The following DCBLD1 variants were observed in gnomAD, a reference collection of about 807,000 sequenced individuals.
DCBLD1 encodes the protein discoidin, CUB and LCCL domain-containing protein 1.
Under a neutral mutation model 71.5 loss-of-function variants are expected in DCBLD1, and 57 were observed. That is an observed-to-expected ratio of 0.80 (90% CI 0.64 to 0.99). DCBLD1 has a LOEUF of 0.99. Among genes scored for constraint, DCBLD1 ranks in the 50% least tolerant of loss-of-function variants. DCBLD1 has a pLI of 0.00. For synonymous variants in DCBLD1, 380 were observed against 363.8 expected (o/e 1.04, Z -0.51); for missense variants, 891 against 923.5 (o/e 0.96, Z 0.46).
intron 1 of DCBLD1, among the ~76,000 whole-genome samples, chr6:117,486,491 G>A (rs62433109): frequency 6.6e-6 from 1 of 152,142 alleles, no homozygotes; most frequent in Admixed American, 6.5e-5. Flanking sequence ...CTCCTCCACT[G>A]CCTCTCTGAC....
intron 6 of DCBLD1, among the ~76,000 whole-genome samples, chr6:117,535,556 G>A (rs1329383342): frequency 6.6e-6 from 1 of 152,188 alleles, no homozygotes; most frequent in Non-Finnish European, 1.5e-5. Flanking sequence ...ACATTTTCCA[G>A]TTGATAACGG....
chr6:117,563,519 C>T (rs539284266), intron 14 of DCBLD1: 12 of 737,434 alleles, frequency 1.6e-5, no homozygotes, highest in Admixed American at 9.5e-5. Flanking sequence ...GTTAGGGGTT[C>T]GAGACCAGCC....
At position 117,549,756 on chromosome 6, in the gene DCBLD1, T is replaced by G. The variant is rs776671511; in HGVS notation, c.*1317T>G. On this transcript the variant is annotated 3_prime_UTR_variant, in exon 15 of 15. Transcript: ENST00000338728. Reference sequence around the variant, plus strand: ...GGTTTACTTTGTAGAGTTTACATGGTTTTATGCGCACACTAATTGTAATAA... The same window carrying G: ...GGTTTACTTTGTAGAGTTTACATGGGTTTATGCGCACACTAATTGTAATAA... The G allele has an allele frequency of 2.8e-5, 28 of 985,230 alleles. No homozygotes were observed. Among genetic ancestry groups the G allele is most frequent in the Non-Finnish European group, 3.3e-5 (27 of 829,918 alleles). 61.0% of individuals were successfully genotyped at this position (985,230 alleles called of 1,614,324 possible).
At chr6:117,536,330 A>G (rs1008849227) in intron 6 of DCBLD1, among the ~76,000 whole-genome samples, 2 of 152,198 alleles carry the variant, frequency 1.3e-5, no homozygotes, top group Non-Finnish European at 2.9e-5. Flanking sequence ...GCTAATGTTG[A>G]GGCCCCCAGA....
At chr6:117,509,473 A>C (rs1420243625) in intron 2 of DCBLD1, among the ~76,000 whole-genome samples, 1 of 152,166 alleles carries the variant, frequency 6.6e-6, no homozygotes, top group African/African-American at 2.4e-5. Flanking sequence ...AGTATCTACC[A>C]CATATAGGTG....
At chr6:117,505,728 G>A (rs1051339183) in intron 2 of DCBLD1, among the ~76,000 whole-genome samples, 1 of 152,158 alleles carries the variant, frequency 6.6e-6, no homozygotes, top group Non-Finnish European at 1.5e-5. Flanking sequence ...ACACTGGGAG[G>A]CCTAGGAGGA....
intron 1 of DCBLD1, 43 bp downstream of exon 1, chr6:117,482,936 A>G (rs1433293665): frequency 8.7e-7 from 1 of 1,154,666 alleles, no homozygotes; most frequent in Admixed American, 4.7e-5. Flanking sequence ...CCGAGGCGCC[A>G]GGGGCGGGCT....
intron 14 of DCBLD1, among the ~76,000 whole-genome samples, chr6:117,565,956 C>T (rs1779688128): frequency 6.6e-6 from 1 of 152,096 alleles, no homozygotes; most frequent in Admixed American, 6.6e-5. Flanking sequence ...CTTCCCATCT[C>T]ATCACAAAGA....
intron 1 of DCBLD1, among the ~76,000 whole-genome samples, chr6:117,499,240 C>CAAAAAAAAAAAAA (rs71012362): frequency 2.8e-5 from 3 of 108,756 alleles, no homozygotes; most frequent in African/African-American, 1.3e-4. Flanking sequence ...CCATCTCTAC[C>CAAAAAAAAAAAAA]AAAAAAAAAA....
In DCBLD1 at chr6:117,532,130, G is replaced by T. The variant is rs533267812; in HGVS notation, c.586-130G>T. On this transcript the variant is annotated intron_variant, in intron 5 of 14. Coordinates refer to ENST00000338728, the MANE Select transcript of DCBLD1 (RefSeq NM_001366458.2). ...CAGTGAGGGAGGTGACAACTCCAGGGCATGGCCATTGGAAGGCTTTATTCA... is the reference window on the plus strand; with the variant it reads ...CAGTGAGGGAGGTGACAACTCCAGGTCATGGCCATTGGAAGGCTTTATTCA... 3.8e-6 allele frequency: 5 copies of T among 1,327,336 alleles called. No homozygotes were observed. In the African/African-American group the frequency reaches 5.9e-5, roughly 16 times the overall value. The allele number at this position is 1,327,336 out of a possible 1,614,324, so 82.2% of individuals were successfully genotyped here.
chr6:117,508,722 T>C (rs939595527), intron 2 of DCBLD1, among the ~76,000 whole-genome samples: 2 of 152,174 alleles, frequency 1.3e-5, no homozygotes, highest in African/African-American at 4.8e-5. Context: ...TCAATAAGGT[T>C]GGGTCCGAGT....
chr6:117,555,015 A>G (rs1211080870), intron 14 of DCBLD1, among the ~76,000 whole-genome samples: 3 of 152,070 alleles, frequency 2.0e-5, no homozygotes, highest in African/African-American at 4.8e-5. Context: ...TTCTCTTGCT[A>G]GGCATTAGAA....
At chr6:117,538,999 G>T in intron 8 of DCBLD1, 164 bp downstream of exon 8, 1 of 834,508 alleles carries the variant, frequency 1.2e-6, no homozygotes, top group African/African-American at 1.7e-5. Flanking sequence ...TCTGTGAAAA[G>T]AATCTGTATG....
intron 1 of DCBLD1, among the ~76,000 whole-genome samples, chr6:117,489,823 T>G (rs865779086): frequency 4.5e-4 from 69 of 152,238 alleles, no homozygotes; most frequent in African/African-American, 1.3e-3. Context: ...AGGCGGAGCT[T>G]GCAGTGAGCG....
At chr6:117,537,485 G>T (rs1302727412) in intron 7 of DCBLD1, among the ~76,000 whole-genome samples, 2 of 150,200 alleles carry the variant, frequency 1.3e-5, no homozygotes, top group Admixed American at 1.3e-4. Context: ...AGTGAGCTGA[G>T]ATTGCGCCAC....
intron 14 of DCBLD1, chr6:117,566,780 A>G: frequency 1.1e-6 from 1 of 938,914 alleles, no homozygotes; most frequent in Non-Finnish European, 1.5e-6. Context: ...TACTGAAGAA[A>G]TTCTGAGGCC....
chr6:117,522,478 T>C (rs9285424), intron 4 of DCBLD1, among the ~76,000 whole-genome samples: 46,544 of 151,684 alleles, frequency 0.31, 8,240 homozygotes, highest in African/African-American at 0.49. Context: ...GTCTTGCTCT[T>C]TTGCCCAGGC....
At chr6:117,506,089 T>A (rs1235227451) in intron 2 of DCBLD1, among the ~76,000 whole-genome samples, 1 of 152,216 alleles carries the variant, frequency 6.6e-6, no homozygotes, top group Non-Finnish European at 1.5e-5. Flanking sequence ...TTCATTATTA[T>A]AGAAATAAAC....
Position 117,557,623 on chromosome 6 carries a change from G to C in DCBLD1, c.1616-11997G>C, listed in dbSNP as rs1437231309. 5.3e-5 allele frequency among the ~76,000 whole-genome samples: 8 copies of C among 152,164 alleles called. No homozygotes were observed. In the East Asian group the frequency reaches 1.2e-3, roughly 22 times the overall value. On this transcript the variant is annotated intron_variant, in intron 14 of 14. Coordinates refer to the DCBLD1 transcript ENST00000296955. ...TACTAAAAATACAAAAATTAGCCAGGCGTGGTGGCACGCACCTGTAATCCC... is the reference window on the plus strand; with the variant it reads ...TACTAAAAATACAAAAATTAGCCAGCCGTGGTGGCACGCACCTGTAATCCC...
Sources: allele counts gnomAD v4.1 joint callset (sites outside exome capture counted in the v4.1 genomes callset), GRCh38; gene constraint gnomAD v4.1.1; transcripts MANE v1.5; gene names NCBI Gene and HGNC (gene_info 2026-07-23, HGNC 2026-07-21).